ADARB1: variants seen among roughly 807,000 people sequenced by gnomAD.
The protein encoded by ADARB1 is double-stranded RNA-specific editase 1.
In ADARB1, 10 loss-of-function variants were observed where a neutral mutation model predicts 52.4. The observed-to-expected ratio is 0.19, with a 90% CI of 0.12 to 0.32. ADARB1 has a LOEUF of 0.32. Ranked by LOEUF, ADARB1 falls within the 10% of genes least tolerant of loss-of-function variation. The pLI is 1.00. For synonymous variants in ADARB1, 349 were observed against 371.1 expected (o/e 0.94, Z 0.68); for missense variants, 643 against 922.3 (o/e 0.70, Z 3.92).
intron 2 of ADARB1, among the ~76,000 whole-genome samples, chr21:45,129,062 C>G (rs1321455213): frequency 6.6e-6 from 1 of 152,108 alleles, no homozygotes; most frequent in Non-Finnish European, 1.5e-5. Flanking sequence ...GAAACCCCAT[C>G]TCTACCAAAA....
chr21:45,162,101 A>G (rs994350826), intron 2 of ADARB1, among the ~76,000 whole-genome samples: 15 of 152,132 alleles, frequency 9.9e-5, no homozygotes, highest in Admixed American at 3.9e-4. Context: ...ATTGCAGGCA[A>G]TGAGGAGAGG....
Position 45,222,505 on chromosome 21 carries a change from T to C in ADARB1, c.*308T>C. ...CGGTTTACGTTTAGAAATTGAGTTC[T>C]ACTGAGTAGGGCTTCCTTAAGTTTA... On this transcript the variant is annotated 3_prime_UTR_variant, in exon 11 of 11. Transcript: ENST00000348831. The C allele has an allele frequency of 8.6e-7, 1 of 1,167,550 alleles. No homozygotes were observed. The highest frequency in any genetic ancestry group is 1.1e-6 in the Non-Finnish European group (1 of 946,326). The allele number at this position is 1,167,550 out of a possible 1,614,324, so 72.3% of individuals were successfully genotyped here.
At chr21:45,185,443 A>C (rs1220755096) in intron 8 of ADARB1, among the ~76,000 whole-genome samples, 1 of 152,238 alleles carries the variant, frequency 6.6e-6, no homozygotes, top group East Asian at 1.9e-4. Context: ...TAGTAGATGC[A>C]ACTTCAGTGG....
intron 8 of ADARB1, among the ~76,000 whole-genome samples, chr21:45,190,019 T>A (rs6518215): frequency 6.6e-6 from 1 of 152,038 alleles, no homozygotes; most frequent in Non-Finnish European, 1.5e-5. Context: ...CAATTATTTC[T>A]TCAAATAAGC....
In ADARB1 at chr21:45,176,960, A is replaced by AC. The variant is rs3838131; in HGVS notation, c.963+304dup. 3.1e-4 allele frequency: 90 copies of AC among 293,338 alleles called. No individual in the cohort carries two copies. Among genetic ancestry groups the AC allele is most frequent in the East Asian group, 7.9e-4 (12 of 15,136 alleles). The allele number at this position is 293,338 out of a possible 1,614,324, so 18.2% of individuals were successfully genotyped here. A position where few individuals can be genotyped will look rare whatever the true frequency, so the allele number is the denominator to read the frequency against. On this transcript the variant is annotated intron_variant, in intron 4 of 10. Transcript: ENST00000348831. The surrounding 1 kb of genome is among the most constrained non-coding windows in gnomAD (Gnocchi z 5.8). ...TCCATAACTCCCTTCCCGTTAGGCA[A>AC]CCCCCCCCATGACCCTCATCCCACA...
intron 9 of ADARB1, among the ~76,000 whole-genome samples, chr21:45,205,449 C>G (rs575408848): frequency 6.6e-6 from 1 of 152,104 alleles, no homozygotes; most frequent in Non-Finnish European, 1.5e-5. Flanking sequence ...GCCAGGTCTC[C>G]GGGACGTTTA....
chr21:45,164,118 G>A (rs536569238), intron 2 of ADARB1, among the ~76,000 whole-genome samples: 2 of 152,330 alleles, frequency 1.3e-5, no homozygotes, highest in African/African-American at 4.8e-5. Flanking sequence ...CTGTTTTAAA[G>A]AGCAGAAAGC....
At chr21:45,183,657 A>AT in intron 7 of ADARB1, 147 bp downstream of exon 7, 4 of 962,630 alleles carry the variant, frequency 4.2e-6, no homozygotes, top group Non-Finnish European at 5.9e-6. Context: ...AAAAGCATGG[A>AT]TTTTTTTCTT....
Position 45,224,137 on chromosome 21 carries a change from G to A in ADARB1, c.*1940G>A. 2.0e-6 allele frequency: 2 copies of A among 985,390 alleles called. No individual in the cohort carries two copies. The highest frequency in any genetic ancestry group is 2.4e-6 in the Non-Finnish European group (2 of 829,930). 61.0% of individuals were successfully genotyped at this position (985,390 alleles called of 1,614,324 possible). On this transcript the variant is annotated 3_prime_UTR_variant, in exon 11 of 11. Transcript: ENST00000348831. ...TAAGTCTGTGCATTTTTATTGTCTT[G>A]ATAAATTGTATTTTTTTCTAATGGG...
chr21:45,170,081 A>G (rs1342946080), intron 2 of ADARB1, among the ~76,000 whole-genome samples: 2 of 152,226 alleles, frequency 1.3e-5, no homozygotes, highest in African/African-American at 4.8e-5. Flanking sequence ...CAAATATACA[A>G]TTGTATCAAG....
rs75524674 is a variant in ADARB1, at chr21:45,108,140, A to C, written c.-219-20262A>C. 1.9e-3 allele frequency among the ~76,000 whole-genome samples: 294 copies of C among 152,364 alleles called. 2 individuals are homozygous for C. Among genetic ancestry groups the C allele is most frequent in the African/African-American group, 6.7e-3 (280 of 41,586 alleles). On this transcript the variant is annotated intron_variant, in intron 1 of 10. Coordinates refer to ENST00000348831, the MANE Select transcript of ADARB1 (RefSeq NM_001112.4). ...AAAGACAAAAATACCAATTGTGTGAAAACCTTTGTAGCATATCATAAATGT... is the reference window on the plus strand; with the variant it reads ...AAAGACAAAAATACCAATTGTGTGACAACCTTTGTAGCATATCATAAATGT...
intron 2 of ADARB1, among the ~76,000 whole-genome samples, chr21:45,147,882 G>A (rs1337641869): frequency 6.6e-6 from 1 of 152,072 alleles, no homozygotes; most frequent in Admixed American, 6.6e-5. Flanking sequence ...CCCACGCAGC[G>A]GTTCCTGCTT....
At chr21:45,093,927 A>G (rs2086656257) in intron 1 of ADARB1, among the ~76,000 whole-genome samples, 1 of 152,230 alleles carries the variant, frequency 6.6e-6, no homozygotes, top group Non-Finnish European at 1.5e-5. Flanking sequence ...ATAAAATTAA[A>G]TAACTCGCTT....
chr21:45,215,108 C>T (rs1014714867), intron 9 of ADARB1, among the ~76,000 whole-genome samples: 2 of 152,122 alleles, frequency 1.3e-5, no homozygotes, highest in Non-Finnish European at 2.9e-5. Flanking sequence ...AGTGCAGTAA[C>T]GTGATCATAG....
intron 2 of ADARB1, among the ~76,000 whole-genome samples, chr21:45,131,207 G>A (rs571129183): frequency 2.2e-4 from 34 of 152,244 alleles, no homozygotes; most frequent in Admixed American, 2.0e-3. Flanking sequence ...GCTTTCACTC[G>A]GATCACTGAG....
chr21:45,106,171 G>C (rs2087246953), intron 1 of ADARB1, among the ~76,000 whole-genome samples: 1 of 140,602 alleles, frequency 7.1e-6, no homozygotes, highest in South Asian at 2.3e-4. Flanking sequence ...TCTTGAGCAG[G>C]CTTGTTAAAT....
intron 2 of ADARB1, among the ~76,000 whole-genome samples, chr21:45,130,552 G>A (rs916450921): frequency 9.9e-5 from 15 of 152,200 alleles, no homozygotes; most frequent in African/African-American, 3.6e-4. Context: ...ACAGTTTGGC[G>A]TGTTATTCTT....
chr21:45,171,671 T>A lies in ADARB1; in HGVS notation c.15T>A (p.Asp5Glu). The stretch of plus-strand genomic sequence containing the variant: ...AGTATTTTGCCATGGATATAGAAGA[T>A]GAAGAAAACATGAGTAAGATCTAGG... MDIE[D>E]EENMSSSSTD... is the part of the protein sequence containing the mutation. Residue 5 changes from aspartate (D) to glutamate (E), a missense_variant, in exon 3 of 11, where the codon GAT (aspartate) becomes GAA (glutamate). Coordinates refer to ENST00000348831, the MANE Select transcript of ADARB1 (RefSeq NM_001112.4). 2 of 1,613,652 alleles carry A rather than the reference T, an allele frequency of 1.2e-6. No homozygotes were observed.
chr21:45,162,939 A>T (rs1008789336), intron 2 of ADARB1, among the ~76,000 whole-genome samples: 4 of 152,146 alleles, frequency 2.6e-5, no homozygotes. Flanking sequence ...GACACTTCAG[A>T]CCCAGGTCGG....
Sources: gnomAD v4.1 joint callset for allele counts (sites outside exome capture counted in the v4.1 genomes callset) on GRCh38, gnomAD v4.1.1 for gene constraint, Gnocchi (gnomAD v3.1) non-coding constraint, MANE v1.5 for transcripts, NCBI Gene and HGNC (gene_info 2026-07-23, HGNC 2026-07-21) for gene names.